FAM3C: variants seen among roughly 807,000 people sequenced by gnomAD.
The protein encoded by FAM3C is FAM3 metabolism regulating signaling molecule C, also known as protein FAM3C.
Under a neutral mutation model 32.5 loss-of-function variants are expected in FAM3C, and 15 were observed. That is an observed-to-expected ratio of 0.46 (90% CI 0.31 to 0.71). FAM3C has a LOEUF of 0.71. FAM3C is among the 30% of genes least tolerant of loss of function. The pLI, the probability that FAM3C is intolerant of heterozygous loss-of-function variation, is 0.05. For missense variants in FAM3C, 175 were observed against 274.4 expected (o/e 0.64, Z 2.56); for synonymous variants, 75 against 86.1 (o/e 0.87, Z 0.72).
chr7:121,359,551 G>A lies in FAM3C; in HGVS notation c.467+492C>T, dbSNP rs1339594972. ...ATGGACTGGAACTTGGTCTCTTTGCGCTTTTCTATAATTTTCCAAATTTTT... is the reference window on the plus strand; with the variant it reads ...ATGGACTGGAACTTGGTCTCTTTGCACTTTTCTATAATTTTCCAAATTTTT... On this transcript the variant is annotated intron_variant, in intron 8 of 9. Coordinates refer to ENST00000359943, the MANE Select transcript of FAM3C (RefSeq NM_014888.3). 2.6e-5 allele frequency among the ~76,000 whole-genome samples: 4 copies of A among 151,866 alleles called. No individual in the cohort carries two copies. In the East Asian group the frequency reaches 5.8e-4, roughly 22 times the overall value.
intron 5 of FAM3C, among the ~76,000 whole-genome samples, chr7:121,366,007 C>A (rs1194293354): frequency 6.6e-6 from 1 of 152,142 alleles, no homozygotes; most frequent in African/African-American, 2.4e-5. Context: ...TTTCACTTCA[C>A]ATCTACTAGG....
intron 1 of FAM3C, among the ~76,000 whole-genome samples, chr7:121,384,452 A>C (rs1005731920): frequency 2.6e-5 from 4 of 152,154 alleles, no homozygotes; most frequent in African/African-American, 7.2e-5. Flanking sequence ...TAACATATAC[A>C]TGCTTTTCCT....
At chr7:121,353,955 T>C (rs914482182) in intron 8 of FAM3C, among the ~76,000 whole-genome samples, 14 of 152,234 alleles carry the variant, frequency 9.2e-5, no homozygotes, top group Admixed American at 7.2e-4. Context: ...GTCTAACACA[T>C]AGCCCTGTGT....
At chr7:121,388,843 A>G (rs1434063419) in intron 1 of FAM3C, among the ~76,000 whole-genome samples, 3 of 152,138 alleles carry the variant, frequency 2.0e-5, no homozygotes, top group Non-Finnish European at 4.4e-5. Flanking sequence ...TTCCCCTAGA[A>G]TGTTAACCAA....
At chr7:121,363,756 A>T (rs1407034684) in intron 6 of FAM3C, among the ~76,000 whole-genome samples, 1 of 152,118 alleles carries the variant, frequency 6.6e-6, no homozygotes, top group East Asian at 1.9e-4. Flanking sequence ...ATTACAATAC[A>T]TTCTTATTCT....
rs1793961142 is a variant in FAM3C, at chr7:121,363,218, T to C, written c.332-271A>G. 2.0e-5 allele frequency among the ~76,000 whole-genome samples: 3 copies of C among 152,222 alleles called. No individual in the cohort carries two copies. In the South Asian group the frequency reaches 6.2e-4, roughly 31 times the overall value. ...CGAAGGATAAATAGAAGTTCATTACTGACTGTAGACCATTCCAATTCGGTT... is the reference window on the plus strand; with the variant it reads ...CGAAGGATAAATAGAAGTTCATTACCGACTGTAGACCATTCCAATTCGGTT... On this transcript the variant is annotated intron_variant, in intron 6 of 9. Coordinates refer to ENST00000359943, the MANE Select transcript of FAM3C (RefSeq NM_014888.3).
chr7:121,390,717 A>T (rs1794556357), intron 1 of FAM3C, among the ~76,000 whole-genome samples: 1 of 151,842 alleles, frequency 6.6e-6, no homozygotes, highest in Non-Finnish European at 1.5e-5. Flanking sequence ...TACCTGGAGA[A>T]TCAGAATCCC....
At chr7:121,377,907 A>G (rs958184653) in intron 3 of FAM3C, among the ~76,000 whole-genome samples, 2 of 152,222 alleles carry the variant, frequency 1.3e-5, no homozygotes, top group Non-Finnish European at 2.9e-5. Context: ...TGTTCTCACA[A>G]TGACAAAAAT....
At chr7:121,352,492 G>A (rs1157854647) in intron 8 of FAM3C, among the ~76,000 whole-genome samples, 1 of 152,214 alleles carries the variant, frequency 6.6e-6, no homozygotes, top group Non-Finnish European at 1.5e-5. Flanking sequence ...GCCATAGCCT[G>A]TGGAGCATTT....
Position 121,351,211 on chromosome 7 carries a change from G to C in FAM3C, c.526C>G (p.Leu176Val). The stretch of plus-strand genomic sequence containing the variant: ...AAGACCCAGTTGTCTCTAAAACCAA[G>C]ATTAGTAATAGATGTGCTCCCCAAA... ...ADLGSTSITN[L>V]GFRDNWVFCG... The change falls in exon 9 of 10, where the codon CTT becomes GTT. Residue 176 changes from leucine (L) to valine (V), a missense_variant. By Grantham distance (32) the Leu-to-Val change is conservative (BLOSUM62 1). Transcript: ENST00000359943. 1 of 1,613,626 alleles carries C rather than the reference G, an allele frequency of 6.2e-7. No individual in the cohort carries two copies. The highest frequency in any genetic ancestry group is 1.7e-5 in the Admixed American group (1 of 59,938).
chr7:121,369,154 G>T (rs184742800), intron 5 of FAM3C, among the ~76,000 whole-genome samples: 153 of 151,750 alleles, frequency 1.0e-3, no homozygotes, highest in African/African-American at 3.6e-3. Flanking sequence ...GCTAACTTTT[G>T]TATTTTAGTA....
intron 7 of FAM3C, among the ~76,000 whole-genome samples, chr7:121,361,956 C>T (rs1408450178): frequency 2.6e-5 from 4 of 152,164 alleles, no homozygotes; most frequent in African/African-American, 9.7e-5. Flanking sequence ...GGATTACAGG[C>T]GTGAGCCACC....
intron 8 of FAM3C, among the ~76,000 whole-genome samples, chr7:121,359,130 A>G (rs1371116372): frequency 6.6e-6 from 1 of 151,930 alleles, no homozygotes; most frequent in East Asian, 1.9e-4. Flanking sequence ...AAATTGGTAA[A>G]AAAATTTTTA....
rs761729189 is a variant in FAM3C at position 121,379,057 on chromosome 7, G to T, written c.14-43C>A. ...TTCAGCATAACTTTGTAAGCCCACA[G>T]AACTTTTATTTTGCATTTCTATGAA... On this transcript the variant is annotated intron_variant, in intron 2 of 9. Transcript: ENST00000359943. 4.6e-6 allele frequency: 5 copies of T among 1,077,056 alleles called. No homozygotes were observed. In the South Asian group the frequency reaches 6.2e-5, roughly 13 times the overall value. The allele number at this position is 1,077,056 out of a possible 1,614,324, so 66.7% of individuals were successfully genotyped here.
intron 5 of FAM3C, among the ~76,000 whole-genome samples, chr7:121,370,683 G>A (rs1794128138): frequency 6.6e-6 from 1 of 152,160 alleles, no homozygotes; most frequent in Non-Finnish European, 1.5e-5. Flanking sequence ...CAGCTTAGAG[G>A]CAAGCAGTTT....
chr7:121,363,936 T>G (rs1042097711), intron 6 of FAM3C, among the ~76,000 whole-genome samples, 194 bp downstream of exon 6: 1 of 152,120 alleles, frequency 6.6e-6, no homozygotes, highest in Non-Finnish European at 1.5e-5. Flanking sequence ...CAAGTTAGGA[T>G]ACTTTCAAGA....
At chr7:121,350,694 T>A (rs1279032548) in intron 9 of FAM3C, 144 bp from the exon 10 acceptor site, 4 of 832,910 alleles carry the variant, frequency 4.8e-6, no homozygotes, top group African/African-American at 3.4e-5. Flanking sequence ...ATTAAATGAG[T>A]GACCCTCAGG....
rs1794388213 is a variant in FAM3C at position 121,382,996 on chromosome 7, T to A, written c.-27A>T. The stretch of plus-strand genomic sequence containing the variant: ...TTTGGTTTTTCAGTTTATGGCACTT[T>A]TCATTAATATGCTCCTAAAAAATCA... On this transcript the variant is annotated 5_prime_UTR_variant, in exon 2 of 10. Coordinates refer to ENST00000359943, the MANE Select transcript of FAM3C (RefSeq NM_014888.3). The A allele has an allele frequency of 1.3e-6, 2 of 1,585,050 alleles. No individual in the cohort carries two copies. Among genetic ancestry groups the A allele is most frequent in the Non-Finnish European group, 8.6e-7 (1 of 1,157,342 alleles).
intron 5 of FAM3C, among the ~76,000 whole-genome samples, chr7:121,370,962 A>G (rs1426726711): frequency 1.3e-5 from 2 of 152,192 alleles, no homozygotes; most frequent in East Asian, 3.9e-4. Context: ...ATTTAAGTGA[A>G]TTAACTTTCT....
Sources: allele counts gnomAD v4.1 joint callset (sites outside exome capture counted in the v4.1 genomes callset), GRCh38; gene constraint gnomAD v4.1.1; transcripts MANE v1.5; gene names NCBI Gene and HGNC (gene_info 2026-07-23, HGNC 2026-07-21).